Variants in INTS7 observed in about 807,000 individuals in gnomAD.
The protein encoded by INTS7 is chromosome 1 open reading frame 73.
In INTS7, 46 loss-of-function variants were observed where a neutral mutation model predicts 109.2. The observed-to-expected ratio is 0.42, with a 90% confidence interval of 0.33 to 0.54. The LOEUF (loss-of-function observed/expected upper bound fraction) is 0.54, where lower values mean the gene tolerates loss of function less well. Among genes scored for constraint, INTS7 ranks in the 20% least tolerant of loss-of-function variants. The pLI, the probability that INTS7 is intolerant of heterozygous loss-of-function variation, is 0.07. For missense variants in INTS7, 929 were observed against 1,132.4 expected, an observed-to-expected ratio of 0.82 and a Z score of 2.58; for synonymous variants, 412 against 402.9, an observed-to-expected ratio of 1.02 and a Z score of -0.27.
At chr1:211,978,143 T>C (rs571115525) in intron 11 of INTS7, 129 bp downstream of exon 11, 187 of 1,069,490 alleles carry the variant, frequency 1.7e-4, no homozygotes, top group Non-Finnish European at 2.5e-4. Context: ...TCTTTGGTCT[T>C]AGGTAATGAA....
intron 13 of INTS7, among the ~76,000 whole-genome samples, chr1:211,971,555 A>C (rs1355747125): frequency 6.6e-6 from 1 of 152,234 alleles, no homozygotes; most frequent in African/African-American, 2.4e-5. Context: ...ACTCCTTTTT[A>C]CATAAAATTC....
intron 1 of INTS7, among the ~76,000 whole-genome samples, chr1:212,027,028 A>G (rs116124745): frequency 0.037 from 5,667 of 152,332 alleles, 166 homozygotes; most frequent in African/African-American, 0.084. Flanking sequence ...CTGAGATAAA[A>G]TAGACTCTCA....
At chr1:212,011,350 A>G (rs368556327) in intron 5 of INTS7, 25 bp downstream of exon 5, 14 of 1,331,158 alleles carry the variant, frequency 1.1e-5, no homozygotes, top group Non-Finnish European at 1.4e-5. Flanking sequence ...AAGTCACTTC[A>G]TAATACTAAA....
chr1:212,031,053 T>A (rs1182128260), intron 1 of INTS7: 1 of 152,252 alleles, frequency 6.6e-6, no homozygotes, highest in Non-Finnish European at 1.5e-5. Context: ...CAGCATTACA[T>A]TCACCAGCAC....
chr1:211,953,839 T>C (rs1212163947), intron 16 of INTS7, among the ~76,000 whole-genome samples: 3 of 151,940 alleles, frequency 2.0e-5, no homozygotes, highest in Non-Finnish European at 4.4e-5. Context: ...TTTGCTATTG[T>C]GAATAGTGCC....
chr1:212,011,337 ATT>A (rs1351724140), intron 5 of INTS7, 36 bp downstream of exon 5: 1 of 1,133,544 alleles, frequency 8.8e-7, no homozygotes, highest in Non-Finnish European at 1.3e-6. Flanking sequence ...TATAAATCTA[ATT>A]AAGTCACTTC....
intron 15 of INTS7, among the ~76,000 whole-genome samples, chr1:211,966,726 C>CTG (rs1421582150): frequency 1.3e-5 from 2 of 152,108 alleles, no homozygotes; most frequent in Non-Finnish European, 2.9e-5. Context: ...GAGGCTACTA[C>CTG]TGTGGGAAGG....
chr1:211,981,287 A>C, intron 9 of INTS7, 97 bp from the exon 10 acceptor site: 1 of 698,396 alleles, frequency 1.4e-6, no homozygotes, highest in Non-Finnish European at 2.4e-6. Context: ...AAAAACATTA[A>C]GGAGTTTAAG....
chr1:211,973,130 G>C (rs1214950390), intron 13 of INTS7, among the ~76,000 whole-genome samples: 3 of 151,894 alleles, frequency 2.0e-5, no homozygotes, highest in African/African-American at 7.3e-5. Flanking sequence ...TTTTTTTGTA[G>C]AGACGGGGTT....
intron 7 of INTS7, among the ~76,000 whole-genome samples, chr1:212,003,897 C>T (rs1558049036): frequency 6.6e-6 from 1 of 152,142 alleles, no homozygotes; most frequent in East Asian, 1.9e-4. Flanking sequence ...AGAAACCCCC[C>T]TCTCCTCCAA....
At chr1:211,945,050 T>A in intron 18 of INTS7, 81 bp from the exon 19 acceptor site, 2 of 1,387,594 alleles carry the variant, frequency 1.4e-6, no homozygotes, top group East Asian at 4.6e-5. Context: ...TAATCACTGG[T>A]TACAGGTTAA....
chr1:212,009,648 T>C (rs1299790537), intron 5 of INTS7, among the ~76,000 whole-genome samples: 1 of 152,198 alleles, frequency 6.6e-6, no homozygotes, highest in African/African-American at 2.4e-5. Context: ...TTATCCCCTA[T>C]AGTACACCCT....
chr1:212,017,971 A>T (rs1666513832), intron 3 of INTS7, among the ~76,000 whole-genome samples: 1 of 152,320 alleles, frequency 6.6e-6, no homozygotes, highest in African/African-American at 2.4e-5. Flanking sequence ...AATCTATTAT[A>T]CCAGAAAAGA....
intron 16 of INTS7, among the ~76,000 whole-genome samples, chr1:211,958,939 G>T (rs1157134535): frequency 1.3e-5 from 2 of 152,210 alleles, no homozygotes; most frequent in Non-Finnish European, 2.9e-5. Context: ...AGGGTGGACA[G>T]AGGGAAGACA....
chr1:211,961,349 GGAAGT>G (rs372710030), intron 16 of INTS7, among the ~76,000 whole-genome samples: 84 of 151,884 alleles, frequency 5.5e-4, no homozygotes, highest in East Asian at 5.4e-3. Flanking sequence ...ACCTACAAAG[GGAAGT>G]CCATCAGACT....
chr1:211,976,552 AC>A, intron 12 of INTS7, 29 bp downstream of exon 12: 1 of 1,590,392 alleles, frequency 6.3e-7, no homozygotes, highest in Non-Finnish European at 8.6e-7. Flanking sequence ...ATTTCCAGCA[AC>A]CCAGTTCACT....
intron 7 of INTS7, among the ~76,000 whole-genome samples, chr1:212,004,664 T>C (rs1665823973): frequency 6.6e-6 from 1 of 152,180 alleles, no homozygotes; most frequent in South Asian, 2.1e-4. Context: ...GATTCTGAAA[T>C]TTATATAGAA....
intron 1 of INTS7, among the ~76,000 whole-genome samples, chr1:212,026,454 C>T (rs1009686174): frequency 6.6e-6 from 1 of 152,172 alleles, no homozygotes; most frequent in Non-Finnish European, 1.5e-5. Flanking sequence ...CTGCTCCCTC[C>T]TCCCCTTCAC....
At chr1:212,013,619 C>A (rs1571905712) in intron 4 of INTS7, among the ~76,000 whole-genome samples, 1 of 152,192 alleles carries the variant, frequency 6.6e-6, no homozygotes. Context: ...TCACTGATCA[C>A]CCAGAGCAAA....
Sources: gnomAD v4.1 joint callset for allele counts (sites outside exome capture counted in the v4.1 genomes callset) on GRCh38, gnomAD v4.1.1 for gene constraint, MANE v1.5 for transcripts, NCBI Gene and HGNC (gene_info 2026-07-23, HGNC 2026-07-21) for gene names.